The following ACYP2 variants were observed in gnomAD, a reference collection of about 807,000 sequenced individuals.
ACYP2 encodes acylphosphatase-2.
Under a neutral mutation model 11.2 loss-of-function variants are expected in ACYP2, and 12 were observed. The observed-to-expected ratio is 1.08, with a 90% CI of 0.69 to 1.74. ACYP2 has a LOEUF of 1.74. Ranked by LOEUF, ACYP2 falls within the 40% of genes most tolerant of loss-of-function variation. The pLI is 0.00. For missense variants in ACYP2, 134 were observed against 101.9 expected (o/e 1.31, Z -1.35); for synonymous variants, 43 against 32.2 (o/e 1.33, Z -1.13).
At chr2:54,009,725 A>T (rs1236097823) in intron 2 of ACYP2, among the ~76,000 whole-genome samples, 2 of 152,166 alleles carry the variant, frequency 1.3e-5, no homozygotes, top group Non-Finnish European at 2.9e-5. Flanking sequence ...ACTGGAATGG[A>T]AGAGAGCCAA....
At position 54,241,155 on chromosome 2, in the gene ACYP2, A is replaced by T. The variant is rs1180271767; in HGVS notation, c.405-63533A>T. ...CCCACTCCCTCCCCAAATGCCTGTG[A>T]ATGACAAGGCAGGAAAAACATTTTT... On this transcript the variant is annotated intron_variant, in intron 6 of 6. Coordinates refer to ENST00000607452, the MANE Select transcript of ACYP2 (RefSeq NM_001320586.2). Among the ~76,000 whole-genome samples, 5 of 152,208 alleles carry T rather than the reference A, an allele frequency of 3.3e-5. No homozygotes were observed. In the East Asian group the frequency reaches 9.6e-4, roughly 29 times the overall value.
In ACYP2 at chr2:54,060,655, G is replaced by T. The variant is rs75382378; in HGVS notation, c.277+3295G>T. 7.9e-3 allele frequency among the ~76,000 whole-genome samples: 1,208 copies of T among 152,160 alleles called. 19 individuals carry two copies. Among genetic ancestry groups the T allele is most frequent in the African/African-American group, 0.028 (1,144 of 41,516 alleles). ...ATTTGCCCAAATACATTTTATTTTG[G>T]TATGATAGAATTTTATCAGATTCTC... On this transcript the variant is annotated intron_variant, in intron 4 of 6. Coordinates refer to ENST00000607452, the MANE Select transcript of ACYP2 (RefSeq NM_001320586.2).
intron 6 of ACYP2, among the ~76,000 whole-genome samples, chr2:54,289,109 CTAGA>C (rs1309626920): frequency 1.3e-5 from 2 of 151,952 alleles, no homozygotes; most frequent in Admixed American, 1.3e-4. Flanking sequence ...ATTCTGGTTG[CTAGA>C]TATTCTTTGA....
chr2:54,239,374 CA>C (rs1338026082), intron 6 of ACYP2, among the ~76,000 whole-genome samples: 1 of 152,190 alleles, frequency 6.6e-6, no homozygotes, highest in East Asian at 1.9e-4. Context: ...TAGCTTCAAA[CA>C]AACTTAGCCA....
At position 54,000,626 on chromosome 2, in the gene ACYP2, C is replaced by G. The variant is rs567002963; in HGVS notation, c.62+26816C>G. Among the ~76,000 whole-genome samples, 3 of 152,298 alleles carry G rather than the reference C, an allele frequency of 2.0e-5. No homozygotes were observed. In the East Asian group the frequency reaches 5.8e-4, roughly 29 times the overall value. On this transcript the variant is annotated intron_variant, in intron 2 of 6. Coordinates refer to ENST00000607452, the MANE Select transcript of ACYP2 (RefSeq NM_001320586.2). ...ACATTAATTGAGAAGTGACAGAGAT[C>G]TGATCACACTACATTCATTTAAGGA...
chr2:54,113,164 T>C (rs773887382), intron 4 of ACYP2, among the ~76,000 whole-genome samples: 14 of 152,164 alleles, frequency 9.2e-5, no homozygotes, highest in Non-Finnish European at 1.9e-4. Context: ...CCTAATGCGA[T>C]GTAAATGCTA....
chr2:53,996,133 C>T (rs553971973), intron 2 of ACYP2, among the ~76,000 whole-genome samples: 4 of 151,766 alleles, frequency 2.6e-5, no homozygotes, highest in African/African-American at 7.2e-5. Flanking sequence ...AAACTCTGTC[C>T]CCACCACCCA....
intron 2 of ACYP2, among the ~76,000 whole-genome samples, chr2:54,010,929 A>T (rs1027485948): frequency 1.3e-5 from 2 of 151,736 alleles, no homozygotes; most frequent in Non-Finnish European, 2.9e-5. Flanking sequence ...TTGGCTTCCC[A>T]AAGTGCTAGG....
chr2:54,203,990 T>G (rs1684963094), intron 6 of ACYP2, among the ~76,000 whole-genome samples: 1 of 152,062 alleles, frequency 6.6e-6, no homozygotes, highest in Admixed American at 6.6e-5. Flanking sequence ...GTTTTTGTTG[T>G]TGTTGTTGTT....
At chr2:54,206,074 G>A (rs538981346) in intron 6 of ACYP2, among the ~76,000 whole-genome samples, 2 of 152,198 alleles carry the variant, frequency 1.3e-5, no homozygotes, top group African/African-American at 4.8e-5. Flanking sequence ...GCATTCTTTT[G>A]AGAAGGAATA....
chr2:53,990,422 G>T (rs1013258532), intron 2 of ACYP2, among the ~76,000 whole-genome samples: 4 of 152,044 alleles, frequency 2.6e-5, no homozygotes, highest in Non-Finnish European at 5.9e-5. Flanking sequence ...GCTGAGGCAG[G>T]TGGATCACCT....
chr2:54,244,836 T>A (rs1686880490), intron 6 of ACYP2, among the ~76,000 whole-genome samples: 1 of 152,210 alleles, frequency 6.6e-6, no homozygotes. Context: ...AGTGATCAGA[T>A]CAGGATAATC....
At position 54,230,100 on chromosome 2, in the gene ACYP2, A is replaced by G. The variant is rs148612901; in HGVS notation, c.405-74588A>G. On this transcript the variant is annotated intron_variant, in intron 6 of 6. Coordinates refer to ENST00000607452, the MANE Select transcript of ACYP2 (RefSeq NM_001320586.2). ...AGGAAAAAATATTTAACCCCAAAATATATTTCCTTGTTATACCTTGAAATT... is the reference window on the plus strand; with the variant it reads ...AGGAAAAAATATTTAACCCCAAAATGTATTTCCTTGTTATACCTTGAAATT... 4.9e-3 allele frequency among the ~76,000 whole-genome samples: 742 copies of G among 152,324 alleles called. 12 individuals carry two copies. Among genetic ancestry groups the G allele is most frequent in the African/African-American group, 0.017 (707 of 41,574 alleles).
chr2:54,198,661 T>C (rs917908276), intron 6 of ACYP2, among the ~76,000 whole-genome samples: 2 of 152,144 alleles, frequency 1.3e-5, no homozygotes, highest in Admixed American at 1.3e-4. Flanking sequence ...CATCTGTATA[T>C]TGTGCAATGC....
chr2:54,059,682 A>G (rs1017123762), intron 4 of ACYP2, among the ~76,000 whole-genome samples: 1 of 152,004 alleles, frequency 6.6e-6, no homozygotes, highest in African/African-American at 2.4e-5. Flanking sequence ...CCTGTTTTCC[A>G]TCTTCCATTT....
intron 6 of ACYP2, among the ~76,000 whole-genome samples, chr2:54,276,662 C>CA (rs5831294): frequency 2.2e-3 from 293 of 132,210 alleles, no homozygotes; most frequent in African/African-American, 3.1e-3. Context: ...CACACACACA[C>CA]CACACACAAG....
intron 6 of ACYP2, among the ~76,000 whole-genome samples, chr2:54,289,325 T>C (rs906370875): frequency 6.6e-6 from 1 of 151,984 alleles, no homozygotes; most frequent in Non-Finnish European, 1.5e-5. Flanking sequence ...TAGATTTATT[T>C]ATGAAAACTA....
At chr2:54,258,707 G>A (rs1573007630) in intron 6 of ACYP2, among the ~76,000 whole-genome samples, 1 of 152,176 alleles carries the variant, frequency 6.6e-6, no homozygotes, top group South Asian at 2.1e-4. Flanking sequence ...AGCAATGGAG[G>A]TGGATGGTGG....
chr2:53,983,922 A>C (rs1255729577), intron 2 of ACYP2, among the ~76,000 whole-genome samples: 1 of 152,214 alleles, frequency 6.6e-6, no homozygotes, highest in Non-Finnish European at 1.5e-5. Flanking sequence ...GCAAGAAAAG[A>C]GACAAGAAGG....
Sources: gnomAD v4.1 joint callset for allele counts (sites outside exome capture counted in the v4.1 genomes callset) on GRCh38, gnomAD v4.1.1 for gene constraint, MANE v1.5 for transcripts, NCBI Gene and HGNC (gene_info 2026-07-23, HGNC 2026-07-21) for gene names.